LRFN5: variants seen among roughly 807,000 people sequenced by gnomAD.
LRFN5 encodes leucine rich repeat and fibronectin type III domain containing 5, also known as leucine-rich repeat and fibronectin type-III domain-containing protein 5.
A neutral mutation model predicts 45.6 loss-of-function variants in LRFN5; 24 were observed. The ratio of observed to expected loss-of-function variants is 0.53; its 90% CI spans 0.38 to 0.74. The LOEUF (loss-of-function observed/expected upper bound fraction) is 0.74. LRFN5 is among the 30% of genes least tolerant of loss of function. The pLI is 0.00. For missense variants in LRFN5, 776 were observed against 861.5 expected (o/e 0.90, Z 1.24); for synonymous variants, 340 against 313.8 (o/e 1.08, Z -0.88).
chr14:41,746,762 A>G (rs1884937381), intron 1 of LRFN5, among the ~76,000 whole-genome samples: 1 of 152,170 alleles, frequency 6.6e-6, no homozygotes, highest in African/African-American at 2.4e-5. Context: ...AAATAAAATT[A>G]TCTCTGATCT....
At chr14:41,813,248 CA>C (rs775800057) in intron 2 of LRFN5, among the ~76,000 whole-genome samples, 5 of 152,082 alleles carry the variant, frequency 3.3e-5, no homozygotes, top group Admixed American at 6.6e-5. Context: ...GCAGAGGGTA[CA>C]GGCTTGTCAC....
At chr14:41,695,522 G>C (rs2138714129) in intron 1 of LRFN5, among the ~76,000 whole-genome samples, 1 of 152,012 alleles carries the variant, frequency 6.6e-6, no homozygotes, top group South Asian at 2.1e-4. Flanking sequence ...ATCTCTTATT[G>C]AGAGCTAATG....
intron 2 of LRFN5, among the ~76,000 whole-genome samples, chr14:41,863,335 T>C (rs915301598): frequency 6.6e-6 from 1 of 152,246 alleles, no homozygotes; most frequent in African/African-American, 2.4e-5. Flanking sequence ...TGTTGTTCTC[T>C]TTAAAACATT....
At position 41,816,215 on chromosome 14, in the gene LRFN5, T is replaced by C. The variant is rs77479687; in HGVS notation, c.-21+49186T>C. 1.2e-3 allele frequency among the ~76,000 whole-genome samples: 184 copies of C among 152,200 alleles called. 1 individual carries two copies. The highest frequency in any genetic ancestry group is 4.3e-3 in the African/African-American group (178 of 41,540). On this transcript the variant is annotated intron_variant, in intron 2 of 5. Transcript: ENST00000298119. The stretch of plus-strand genomic sequence containing the variant: ...ATAATGACAAAATAATTCTAATTCT[T>C]CTCTCCTGTTCCTTACATCATTGCT...
At chr14:41,813,123 A>G (rs965724486) in intron 2 of LRFN5, among the ~76,000 whole-genome samples, 1 of 148,328 alleles carries the variant, frequency 6.7e-6, no homozygotes, top group Non-Finnish European at 1.5e-5. Context: ...ACTAAACTAC[A>G]TTTGTTAATA....
chr14:41,850,881 G>A (rs1225777094), intron 2 of LRFN5, among the ~76,000 whole-genome samples: 2 of 151,510 alleles, frequency 1.3e-5, no homozygotes, highest in Non-Finnish European at 3.0e-5. Flanking sequence ...TGTAATTGTA[G>A]TATTTCAGAA....
rs1222564958 is a variant in LRFN5, at chr14:41,824,071, GT to G, written c.-21+57048del. ...AAATTTTTCATTTATATATTGAATT[GT>G]TTTTTCTGATTTCTTTGTGTTGGTT... is the stretch of plus-strand genomic sequence containing the variant. On this transcript the variant is annotated intron_variant, in intron 2 of 5. Coordinates refer to ENST00000298119, the MANE Select transcript of LRFN5 (RefSeq NM_152447.5). Among the ~76,000 whole-genome samples the G allele has an allele frequency of 4.6e-5, 7 of 151,648 alleles. No homozygotes were observed. The East Asian group carries it at 1.2e-3, about 25-fold the overall frequency.
chr14:41,879,373 AC>A (rs1890295178), intron 2 of LRFN5, among the ~76,000 whole-genome samples: 1 of 151,918 alleles, frequency 6.6e-6, no homozygotes, highest in Non-Finnish European at 1.5e-5. Flanking sequence ...AAAATTAATC[AC>A]CTACTCACAA....
Position 41,904,104 on chromosome 14 carries a change from TCTTTCTTTCTTC to T in LRFN5, c.2143-42_2143-31del, listed in dbSNP as rs1891177752. On this transcript the variant is annotated intron_variant, in intron 5 of 5. Transcript: ENST00000298119. ...CAATGATCTTATTAGCTATGTGTTT[TCTTTCTTTCTTC>T]CTTTCTTTCTTTTTTTCCTTTTTCT... is the stretch of plus-strand genomic sequence containing the variant. The T allele has an allele frequency of 8.4e-6, 12 of 1,435,710 alleles. No individual in the cohort carries two copies. In the Middle Eastern group the frequency reaches 9.0e-4, roughly 108 times the overall value. 88.9% of individuals were successfully genotyped at this position (1,435,710 alleles called of 1,614,324 possible). A position where few individuals can be genotyped will look rare whatever the true frequency, so the allele number is the denominator to read the frequency against.
At chr14:41,777,970 A>G (rs992132915) in intron 2 of LRFN5, among the ~76,000 whole-genome samples, 1 of 149,022 alleles carries the variant, frequency 6.7e-6, no homozygotes, top group African/African-American at 2.5e-5. Context: ...AGACAGGATA[A>G]AAGAACCATT....
intron 1 of LRFN5, among the ~76,000 whole-genome samples, chr14:41,636,467 G>A (rs986919118): frequency 6.6e-6 from 1 of 152,058 alleles, no homozygotes; most frequent in African/African-American, 2.4e-5. Flanking sequence ...CTTACTATGG[G>A]TATTTGTTAT....
intron 2 of LRFN5, among the ~76,000 whole-genome samples, chr14:41,835,945 A>T (rs1336550271): frequency 6.6e-6 from 1 of 151,272 alleles, no homozygotes; most frequent in Non-Finnish European, 1.5e-5. Flanking sequence ...AAAAAAAAAA[A>T]CCTTTGAAAA....
intron 2 of LRFN5, among the ~76,000 whole-genome samples, chr14:41,786,008 T>C (rs1594707770): frequency 6.6e-6 from 1 of 150,478 alleles, no homozygotes; most frequent in East Asian, 1.9e-4. Context: ...CTGGCATTGT[T>C]CCCTGCCCTG....
At chr14:41,811,981 T>C (rs2021117) in intron 2 of LRFN5, among the ~76,000 whole-genome samples, 53,531 of 151,836 alleles carry the variant, frequency 0.35, 10,166 homozygotes, top group East Asian at 0.69. Context: ...AAATATGGAG[T>C]ATAAGATAAT....
At chr14:41,795,836 T>C (rs1887106760) in intron 2 of LRFN5, among the ~76,000 whole-genome samples, 1 of 151,914 alleles carries the variant, frequency 6.6e-6, no homozygotes, top group Non-Finnish European at 1.5e-5. Flanking sequence ...AATGACGAGT[T>C]AATGGGTGCA....
chr14:41,644,532 C>G lies in LRFN5; in HGVS notation c.-197+35970C>G, dbSNP rs561531180. ...TCCAGTTTTGTTAGTTATCATGAAC[C>G]ATGTACCACACAGTTTGGCAGGGTT... On this transcript the variant is annotated intron_variant, in intron 1 of 5. Transcript: ENST00000298119. Among the ~76,000 whole-genome samples the G allele has an allele frequency of 3.9e-5, 6 of 152,148 alleles. No individual in the cohort carries two copies. In the South Asian group the frequency reaches 1.2e-3, roughly 32 times the overall value.
intron 1 of LRFN5, among the ~76,000 whole-genome samples, chr14:41,744,332 C>T (rs756552913): frequency 3.3e-5 from 5 of 151,862 alleles, no homozygotes; most frequent in Non-Finnish European, 5.9e-5. Context: ...ACTCCCAGCC[C>T]GGGTGACCGA....
chr14:41,876,277 C>CTTTTTTTTTTT lies in LRFN5; in HGVS notation c.-20-10318_-20-10308dup, dbSNP rs34291427. Among the ~76,000 whole-genome samples the CTTTTTTTTTTT allele has an allele frequency of 7.8e-4, 78 of 100,582 alleles. 1 individual carries two copies. Among genetic ancestry groups the CTTTTTTTTTTT allele is most frequent in the Non-Finnish European group, 1.0e-3 (54 of 52,146 alleles). The allele number at this position is 100,582 out of a possible 152,430, so 66.0% of individuals were successfully genotyped here. ...GGAATGCGTAATTGTCTTTTTCTTT[C>CTTTTTTTTTTT]TTTTTTTTTTTTTTTTTTTTTGAGA... is the stretch of plus-strand genomic sequence containing the variant. On this transcript the variant is annotated intron_variant, in intron 2 of 5. Transcript: ENST00000298119.
intron 1 of LRFN5, among the ~76,000 whole-genome samples, chr14:41,640,563 T>C (rs887947186): frequency 6.6e-6 from 1 of 152,196 alleles, no homozygotes; most frequent in South Asian, 2.1e-4. Context: ...ACTGTGGAGA[T>C]AGAGTCATGT....
Sources: gnomAD v4.1 joint callset for allele counts (sites outside exome capture counted in the v4.1 genomes callset) on GRCh38, gnomAD v4.1.1 for gene constraint, MANE v1.5 for transcripts, NCBI Gene and HGNC (gene_info 2026-07-23, HGNC 2026-07-21) for gene names.